Variants in ST6GALNAC3 observed in about 807,000 individuals in gnomAD.
The protein encoded by ST6GALNAC3 is alpha-N-acetylgalactosaminide alpha-2,6-sialyltransferase 3.
In ST6GALNAC3, 25 loss-of-function variants were observed where a neutral mutation model predicts 32.7. That is an observed-to-expected ratio of 0.76 (90% CI 0.56 to 1.07). The LOEUF (loss-of-function observed/expected upper bound fraction) is 1.07. Among genes scored for constraint, ST6GALNAC3 ranks in the 50% least tolerant of loss-of-function variants. The probability of loss-of-function intolerance (pLI) is 0.00; values close to 1 mark genes in which losing one functional copy is unlikely to be tolerated. For synonymous variants in ST6GALNAC3, 129 were observed against 133.1 expected, an observed-to-expected ratio of 0.97 and a Z score of 0.21; for missense variants, 355 against 382.4, an observed-to-expected ratio of 0.93 and a Z score of 0.60.
In ST6GALNAC3 at chr1:76,380,402, T is replaced by C. The variant is rs1264888184; in HGVS notation, c.214-31606T>C. On this transcript the variant is annotated intron_variant, in intron 2 of 4. Coordinates refer to ENST00000328299, the MANE Select transcript of ST6GALNAC3 (RefSeq NM_152996.4). ...TGCAACCCCTGTGGTAAACTATTTA[T>C]TGCTATTGTTAGAATTGAACATATG... 2.0e-5 allele frequency among the ~76,000 whole-genome samples: 3 copies of C among 152,222 alleles called. 1 individual carries two copies. The highest frequency in any genetic ancestry group is 7.2e-5 in the African/African-American group (3 of 41,464).
chr1:76,132,335 C>T (rs1208574118), intron 1 of ST6GALNAC3, among the ~76,000 whole-genome samples: 1 of 152,180 alleles, frequency 6.6e-6, no homozygotes, highest in African/African-American at 2.4e-5. Flanking sequence ...CAGCAGCTTG[C>T]CTTCCCTCCA....
At chr1:76,459,833 TA>T (rs1658156022) in intron 3 of ST6GALNAC3, among the ~76,000 whole-genome samples, 1 of 152,196 alleles carries the variant, frequency 6.6e-6, no homozygotes, top group Non-Finnish European at 1.5e-5. Flanking sequence ...CATTCATTTT[TA>T]TGACTGAATA....
At chr1:76,502,008 C>T (rs1376019852) in intron 3 of ST6GALNAC3, among the ~76,000 whole-genome samples, 1 of 152,190 alleles carries the variant, frequency 6.6e-6, no homozygotes, top group African/African-American at 2.4e-5. Context: ...CTCCCACAAT[C>T]CACTTTCAAA....
intron 3 of ST6GALNAC3, among the ~76,000 whole-genome samples, chr1:76,504,540 G>A (rs1661359204): frequency 6.6e-6 from 1 of 152,008 alleles, no homozygotes; most frequent in Admixed American, 6.6e-5. Context: ...CTAGTGTGAA[G>A]AATTATACTT....
At chr1:76,365,793 C>T (rs1473394664) in intron 2 of ST6GALNAC3, among the ~76,000 whole-genome samples, 7 of 152,184 alleles carry the variant, frequency 4.6e-5, no homozygotes, top group African/African-American at 7.2e-5. Flanking sequence ...TTTACCCTGT[C>T]TCTAATTTTC....
intron 1 of ST6GALNAC3, among the ~76,000 whole-genome samples, chr1:76,285,429 G>A (rs1485682137): frequency 9.9e-6 from 1 of 101,358 alleles, no homozygotes; most frequent in Admixed American, 1.0e-4. Flanking sequence ...TGTGTAATGT[G>A]ACTTACCCAT....
intron 2 of ST6GALNAC3, among the ~76,000 whole-genome samples, chr1:76,367,697 A>C (rs1369444942): frequency 6.6e-6 from 1 of 152,032 alleles, no homozygotes; most frequent in Non-Finnish European, 1.5e-5. Flanking sequence ...TCCCTTCAGC[A>C]TTTTGTCTTA....
intron 1 of ST6GALNAC3, among the ~76,000 whole-genome samples, chr1:76,226,504 T>C (rs1339528417): frequency 6.6e-6 from 1 of 152,212 alleles, no homozygotes; most frequent in Non-Finnish European, 1.5e-5. Context: ...CATTCTTGCA[T>C]TGCTATCAAG....
chr1:76,327,253 A>T (rs542647326), intron 2 of ST6GALNAC3, among the ~76,000 whole-genome samples: 2 of 151,206 alleles, frequency 1.3e-5, no homozygotes, highest in South Asian at 4.2e-4. Flanking sequence ...AAAAGGACCA[A>T]CAGGATGTGT....
At chr1:76,297,983 C>A (rs1162669031) in intron 1 of ST6GALNAC3, among the ~76,000 whole-genome samples, 1 of 151,656 alleles carries the variant, frequency 6.6e-6, no homozygotes, top group African/African-American at 2.4e-5. Context: ...GAAAAAAAAA[C>A]TATACTAATA....
chr1:76,126,440 C>CTTTG (rs1553157156), intron 1 of ST6GALNAC3, among the ~76,000 whole-genome samples: 37 of 147,450 alleles, frequency 2.5e-4, no homozygotes, highest in Admixed American at 6.2e-4. Context: ...TCCTTCCTTC[C>CTTTG]TTCCTTCCTT....
intron 3 of ST6GALNAC3, among the ~76,000 whole-genome samples, chr1:76,498,278 C>T (rs550385725): frequency 6.6e-6 from 1 of 152,290 alleles, no homozygotes; most frequent in African/African-American, 2.4e-5. Flanking sequence ...ATAAATACAG[C>T]TGATGCTCTA....
chr1:76,402,238 C>T (rs1653482160), intron 2 of ST6GALNAC3, among the ~76,000 whole-genome samples: 1 of 152,142 alleles, frequency 6.6e-6, no homozygotes, highest in Admixed American at 6.6e-5. Flanking sequence ...TTTGCAATCA[C>T]AGACCTTTAA....
chr1:76,215,922 G>C (rs1392776820), intron 1 of ST6GALNAC3, among the ~76,000 whole-genome samples: 2 of 152,154 alleles, frequency 1.3e-5, no homozygotes, highest in Non-Finnish European at 2.9e-5. Flanking sequence ...CTTGCCAGGC[G>C]CTGGAGATTT....
chr1:76,464,751 C>A (rs1658512687), intron 3 of ST6GALNAC3, among the ~76,000 whole-genome samples: 2 of 152,152 alleles, frequency 1.3e-5, no homozygotes, highest in African/African-American at 2.4e-5. Flanking sequence ...ATTACAATTA[C>A]CCTACGAGGT....
chr1:76,388,373 G>A (rs1223094741), intron 2 of ST6GALNAC3, among the ~76,000 whole-genome samples: 1 of 152,056 alleles, frequency 6.6e-6, no homozygotes, highest in Non-Finnish European at 1.5e-5. Context: ...TGCTGTGTGT[G>A]GTTCTCACAT....
chr1:76,467,192 A>T (rs17099040), intron 3 of ST6GALNAC3, among the ~76,000 whole-genome samples: 5,314 of 152,140 alleles, frequency 0.035, 314 homozygotes, highest in African/African-American at 0.12. Context: ...GGGATTTTTA[A>T]TGTTGGCACT....
intron 1 of ST6GALNAC3, among the ~76,000 whole-genome samples, chr1:76,206,484 A>G (rs2100557116): frequency 6.6e-6 from 1 of 152,270 alleles, no homozygotes. Context: ...CACAGCTGGA[A>G]AAATGCTGTT....
chr1:76,094,466 G>T (rs1236856526), intron 1 of ST6GALNAC3, among the ~76,000 whole-genome samples: 2 of 152,078 alleles, frequency 1.3e-5, no homozygotes, highest in Admixed American at 6.6e-5. Context: ...ACTCCTTTGG[G>T]GTTAGTTACT....
Sources: allele counts gnomAD v4.1 joint callset (sites outside exome capture counted in the v4.1 genomes callset), GRCh38; gene constraint gnomAD v4.1.1; transcripts MANE v1.5; gene names NCBI Gene and HGNC (gene_info 2026-07-23, HGNC 2026-07-21).